CCDC169: variants seen among roughly 807,000 people sequenced by gnomAD.
CCDC169 encodes coiled-coil domain-containing protein 169.
Under a neutral mutation model 36.0 loss-of-function variants are expected in CCDC169, and 30 were observed. That is an observed-to-expected ratio of 0.83 (90% CI 0.62 to 1.13). The LOEUF (loss-of-function observed/expected upper bound fraction) is 1.13. Among genes scored for constraint, CCDC169 ranks in the 50% most tolerant of loss-of-function variants. The pLI is 0.00. For missense variants in CCDC169, 245 were observed against 245.9 expected (o/e 1.00, Z 0.03); for synonymous variants, 85 against 81.5 (o/e 1.04, Z -0.23).
At chr13:36,290,329 T>G (rs1470459261) in intron 2 of CCDC169, among the ~76,000 whole-genome samples, 5 of 152,240 alleles carry the variant, frequency 3.3e-5, no homozygotes, top group Non-Finnish European at 4.4e-5. Context: ...TACTAAATAA[T>G]TTAAATGTTT....
intron 7 of CCDC169, among the ~76,000 whole-genome samples, chr13:36,231,739 G>C (rs935516829): frequency 2.0e-5 from 3 of 152,188 alleles, no homozygotes; most frequent in East Asian, 1.9e-4. Flanking sequence ...GGTGATGGCA[G>C]CAAAATGACA....
chr13:36,265,910 A>G (rs1359035543), intron 4 of CCDC169, among the ~76,000 whole-genome samples: 1 of 152,172 alleles, frequency 6.6e-6, no homozygotes, highest in Non-Finnish European at 1.5e-5. Context: ...TCTAGGAATC[A>G]ACGTTAACTC....
intron 4 of CCDC169, among the ~76,000 whole-genome samples, chr13:36,281,660 G>A (rs1409469748): frequency 4.6e-5 from 7 of 152,090 alleles, no homozygotes; most frequent in South Asian, 4.1e-4. Context: ...TCAGGAGTTC[G>A]AGACCAGCCT....
intron 7 of CCDC169, among the ~76,000 whole-genome samples, chr13:36,245,596 C>A (rs1872417139): frequency 6.6e-6 from 1 of 152,152 alleles, no homozygotes; most frequent in Non-Finnish European, 1.5e-5. Context: ...TGCACCAAGC[C>A]CTCTGTTCTT....
At chr13:36,283,444 T>C (rs1877790109) in intron 4 of CCDC169, 25 bp downstream of exon 4, 2 of 1,537,874 alleles carry the variant, frequency 1.3e-6, no homozygotes, top group Non-Finnish European at 1.8e-6. Flanking sequence ...AATTATTCTT[T>C]GTGTTTAATC....
Position 36,231,161 on chromosome 13 carries a change from A to G in CCDC169, c.*32T>C. 6.7e-7 allele frequency: 1 copy of G among 1,495,708 alleles called. No individual in the cohort carries two copies. Among genetic ancestry groups the G allele is most frequent in the South Asian group, 1.3e-5 (1 of 79,416 alleles). 92.7% of individuals were successfully genotyped at this position (1,495,708 alleles called of 1,614,324 possible). ...TTGAATATTATAAATGGAAAAAAAA[A>G]GGAAGAAATAGAAATCCATCCAGTT... is the stretch of plus-strand genomic sequence containing the variant. On this transcript the variant is annotated 3_prime_UTR_variant, in exon 8 of 8. Coordinates refer to ENST00000239859, the MANE Select transcript of CCDC169 (RefSeq NM_001144981.3).
downstream of CCDC169, among the ~76,000 whole-genome samples, chr13:36,227,633 T>C: frequency 6.6e-6 from 1 of 152,344 alleles, no homozygotes; most frequent in South Asian, 2.1e-4. Context: ...TATTAAAATG[T>C]TAATGTATAT....
chr13:36,281,831 C>T (rs1014557156), intron 4 of CCDC169, among the ~76,000 whole-genome samples: 9 of 151,898 alleles, frequency 5.9e-5, no homozygotes, highest in Admixed American at 5.2e-4. Context: ...CACTACACTC[C>T]AGCCTGGGTG....
chr13:36,286,000 A>C (rs1391181329), intron 2 of CCDC169, among the ~76,000 whole-genome samples: 1 of 152,160 alleles, frequency 6.6e-6, no homozygotes, highest in Non-Finnish European at 1.5e-5. Flanking sequence ...GCTTTTGTTA[A>C]TTGAACTATG....
At chr13:36,272,086 A>AC (rs1205270305) in intron 4 of CCDC169, among the ~76,000 whole-genome samples, 5 of 135,312 alleles carry the variant, frequency 3.7e-5, no homozygotes, top group African/African-American at 5.2e-5. Flanking sequence ...CTCCGTCTCA[A>AC]AAAAAAAAAA....
intron 4 of CCDC169, among the ~76,000 whole-genome samples, chr13:36,273,353 G>A (rs1594064297): frequency 6.6e-6 from 1 of 152,168 alleles, no homozygotes; most frequent in Non-Finnish European, 1.5e-5. Flanking sequence ...ATTGGATTTT[G>A]TCAGGTGGGA....
At chr13:36,288,670 T>C (rs1276652510) in intron 2 of CCDC169, among the ~76,000 whole-genome samples, 1 of 152,144 alleles carries the variant, frequency 6.6e-6, no homozygotes, top group African/African-American at 2.4e-5. Context: ...TTACTAAGAA[T>C]TCTAATATAT....
intron 4 of CCDC169, among the ~76,000 whole-genome samples, chr13:36,274,024 C>T (rs1468905428): frequency 6.6e-6 from 1 of 152,158 alleles, no homozygotes; most frequent in Admixed American, 6.5e-5. Context: ...TGGTGTGGCC[C>T]AGAATTCCCA....
At chr13:36,248,781 T>C in intron 6 of CCDC169, 99 bp from the exon 7 acceptor site, 1 of 1,045,994 alleles carries the variant, frequency 9.6e-7, no homozygotes, top group Non-Finnish European at 1.4e-6. Context: ...CATAACCAGG[T>C]TCTTTTGCAG....
intron 7 of CCDC169, among the ~76,000 whole-genome samples, chr13:36,239,870 T>C (rs995489202): frequency 2.6e-5 from 4 of 152,162 alleles, no homozygotes; most frequent in African/African-American, 9.7e-5. Flanking sequence ...GGTCCCAAAA[T>C]AGGTGATTAT....
intron 7 of CCDC169, among the ~76,000 whole-genome samples, chr13:36,247,014 A>T (rs1254794633): frequency 6.6e-6 from 1 of 152,200 alleles, no homozygotes; most frequent in Non-Finnish European, 1.5e-5. Flanking sequence ...CAGTGAGTTT[A>T]TGTTGAAGCT....
downstream of CCDC169, among the ~76,000 whole-genome samples, chr13:36,228,492 T>C (rs1170930): frequency 0.18 from 27,582 of 152,214 alleles, 2,603 homozygotes; most frequent in African/African-American, 0.22. Flanking sequence ...CTGAAGTCAA[T>C]ACATATTTGA....
At chr13:36,224,507 A>C (rs1869761471), downstream of CCDC169, 1 of 152,220 alleles carries the variant, frequency 6.6e-6, no homozygotes, top group African/African-American at 2.4e-5. Context: ...GCTAAGAGCC[A>C]AATCGAGAAT....
At chr13:36,275,727 A>G (rs752219539) in intron 4 of CCDC169, among the ~76,000 whole-genome samples, 5 of 152,192 alleles carry the variant, frequency 3.3e-5, no homozygotes, top group Non-Finnish European at 7.3e-5. Context: ...CAGTGAGGTA[A>G]TGGGTCCCAG....
Sources: gnomAD v4.1 joint callset for allele counts (sites outside exome capture counted in the v4.1 genomes callset) on GRCh38, gnomAD v4.1.1 for gene constraint, MANE v1.5 for transcripts, NCBI Gene and HGNC (gene_info 2026-07-23, HGNC 2026-07-21) for gene names.